ATP10B: variants seen among roughly 807,000 people sequenced by gnomAD.
ATP10B encodes ATPase phospholipid transporting 10B (putative).
ATP10B carries 122 observed loss-of-function variants against 141.2 expected under a neutral mutation model. The observed-to-expected ratio is 0.86, with a 90% CI of 0.75 to 1.00. ATP10B has a LOEUF of 1.00. Among genes scored for constraint, ATP10B ranks in the 50% least tolerant of loss-of-function variants. The pLI, the probability that ATP10B is intolerant of heterozygous loss-of-function variation, is 0.00. For synonymous variants in ATP10B, 685 were observed against 692.0 expected (o/e 0.99, Z 0.16); for missense variants, 1,876 against 1,825.3 (o/e 1.03, Z -0.51).
At chr5:160,615,172 A>G (rs184581479) in intron 17 of ATP10B, among the ~76,000 whole-genome samples, 170 of 152,222 alleles carry the variant, frequency 1.1e-3, no homozygotes, top group African/African-American at 3.9e-3. Context: ...GCTGATTGAC[A>G]TGACCCTTCA....
In ATP10B at chr5:160,783,904, T is replaced by C. The variant is rs1174928042; in HGVS notation, c.-331+1655A>G. On this transcript the variant is annotated intron_variant, in intron 2 of 25. Coordinates refer to ENST00000327245, the MANE Select transcript of ATP10B (RefSeq NM_025153.3). ...CCTCCAAGCCAACATTTATTGTTTT[T>C]TCATTTTTTGATTATGGCCATTCTT... Among the ~76,000 whole-genome samples, 3 of 152,126 alleles carry C rather than the reference T, an allele frequency of 2.0e-5. No individual in the cohort carries two copies. In the East Asian group the frequency reaches 5.8e-4, roughly 29 times the overall value.
intron 8 of ATP10B, among the ~76,000 whole-genome samples, chr5:160,647,976 A>C (rs541771252): frequency 6.6e-6 from 1 of 152,134 alleles, no homozygotes; most frequent in Non-Finnish European, 1.5e-5. Context: ...TGCAGGCCCT[A>C]TTGGTGGAGA....
chr5:160,600,022 A>G (rs1756996798), intron 21 of ATP10B, among the ~76,000 whole-genome samples: 1 of 152,210 alleles, frequency 6.6e-6, no homozygotes, highest in African/African-American at 2.4e-5. Context: ...CACTAGTAGT[A>G]ACATCATTTG....
intron 13 of ATP10B, among the ~76,000 whole-genome samples, chr5:160,628,824 T>C (rs1240930640): frequency 2.0e-5 from 3 of 152,138 alleles, no homozygotes; most frequent in Non-Finnish European, 4.4e-5. Context: ...CTATTAAACA[T>C]TGGCTTGGGA....
intron 2 of ATP10B, among the ~76,000 whole-genome samples, chr5:160,761,603 C>T (rs1029398240): frequency 6.6e-6 from 1 of 152,132 alleles, no homozygotes; most frequent in African/African-American, 2.4e-5. Flanking sequence ...AGTTTTAGAC[C>T]TTCCCACTGA....
the ATP10B span, among the ~76,000 whole-genome samples, chr5:160,875,386 G>C: frequency 9.5e-6 from 1 of 105,128 alleles, no homozygotes; most frequent in African/African-American, 2.8e-5. Context: ...TGAAGGAAGC[G>C]CTAAACATGG....
intron 7 of ATP10B, among the ~76,000 whole-genome samples, chr5:160,663,520 T>C (rs1200571332): frequency 6.6e-6 from 1 of 152,162 alleles, no homozygotes; most frequent in Non-Finnish European, 1.5e-5. Context: ...ACCATCATTC[T>C]CAGCAAACTA....
At chr5:160,857,707 T>C in the ATP10B span, among the ~76,000 whole-genome samples, 3 of 151,870 alleles carry the variant, frequency 2.0e-5, no homozygotes, top group African/African-American at 7.2e-5. Context: ...CTGTGTTGTA[T>C]TTTAAATTTT....
chr5:160,870,739 C>CAAAA, the ATP10B span, among the ~76,000 whole-genome samples: 3 of 148,304 alleles, frequency 2.0e-5, no homozygotes, highest in Non-Finnish European at 3.0e-5. Context: ...GGAGAAATGC[C>CAAAA]AAAAAAAAAC....
the ATP10B span, among the ~76,000 whole-genome samples, chr5:160,864,310 G>A: frequency 6.6e-6 from 1 of 151,906 alleles, no homozygotes; most frequent in Non-Finnish European, 1.5e-5. Flanking sequence ...ATTACATAAA[G>A]AGAATCGAAA....
chr5:160,622,453 G>C lies in ATP10B; in HGVS notation c.1753C>G (p.Leu585Val). 6.2e-7 allele frequency: 1 copy of C among 1,614,130 alleles called. No individual in the cohort carries two copies. The highest frequency in any genetic ancestry group is 1.1e-5 in the South Asian group (1 of 91,048). Residue 585 changes from leucine (L) to valine (V), a missense_variant, in exon 14 of 26, where the codon CTT (leucine) becomes GTT (valine). By Grantham distance (32) the Leu-to-Val change is conservative (BLOSUM62 1). Transcript: ENST00000327245. ...STTSSIADFF[L>V]ALTICNSVMV... The stretch of plus-strand genomic sequence containing the variant: ...ACAGAGTTGCAGATGGTTAAGGCAA[G>C]GAAGAAATCAGCAATGGAGGAGGTG...
chr5:160,813,324 C>T (rs543366919), intron 1 of ATP10B, among the ~76,000 whole-genome samples: 6 of 152,226 alleles, frequency 3.9e-5, no homozygotes, highest in African/African-American at 9.6e-5. Context: ...AAACGACACA[C>T]CAGGAGATTA....
At chr5:160,762,577 A>G (rs1737680234) in intron 2 of ATP10B, among the ~76,000 whole-genome samples, 1 of 152,216 alleles carries the variant, frequency 6.6e-6, no homozygotes, top group Non-Finnish European at 1.5e-5. Flanking sequence ...ATCTTGAAAG[A>G]AAACCTCAAA....
At chr5:160,691,433 T>C (rs1486415814) in intron 3 of ATP10B, among the ~76,000 whole-genome samples, 1 of 152,112 alleles carries the variant, frequency 6.6e-6, no homozygotes, top group African/African-American at 2.4e-5. Flanking sequence ...ACAAGCAAAC[T>C]CTCAAGGTTC....
intron 1 of ATP10B, among the ~76,000 whole-genome samples, chr5:160,817,440 A>G (rs1018373464): frequency 3.9e-5 from 6 of 152,230 alleles, no homozygotes; most frequent in Non-Finnish European, 7.3e-5. Flanking sequence ...AATCCAACTT[A>G]CAAGGGACAT....
chr5:160,686,843 C>G (rs904520699), intron 5 of ATP10B: 1 of 605,326 alleles, frequency 1.7e-6, no homozygotes, highest in African/African-American at 2.0e-5. Context: ...ATAGCAGTTG[C>G]TCAGTAAATG....
chr5:160,820,411 C>A lies in ATP10B; in HGVS notation c.-576+31530G>T, dbSNP rs554761449. On this transcript the variant is annotated intron_variant, in intron 1 of 25. Coordinates refer to ENST00000327245, the MANE Select transcript of ATP10B (RefSeq NM_025153.3). ...TAATGCAAAGTTACCCAGAAAAAAA[C>A]AAAAAAAAGCCTGGGACCTCATGGC... Among the ~76,000 whole-genome samples, 1,066 of 151,092 alleles carry A rather than the reference C, an allele frequency of 7.1e-3. 18 individuals are homozygous for A. The highest frequency in any genetic ancestry group is 0.024 in the African/African-American group (1,005 of 41,302).
At chr5:160,582,539 G>T (rs928016268) in intron 24 of ATP10B, among the ~76,000 whole-genome samples, 5 of 152,120 alleles carry the variant, frequency 3.3e-5, no homozygotes, top group African/African-American at 1.2e-4. Context: ...TCTCTTTGTG[G>T]GGAACCCGAC....
At chr5:160,749,631 G>A (rs1210697315) in intron 2 of ATP10B, among the ~76,000 whole-genome samples, 1 of 152,152 alleles carries the variant, frequency 6.6e-6, no homozygotes, top group Non-Finnish European at 1.5e-5. Context: ...TTGTGGGGCT[G>A]GGTCTCATAC....
Sources: allele counts gnomAD v4.1 joint callset (sites outside exome capture counted in the v4.1 genomes callset), GRCh38; gene constraint gnomAD v4.1.1; transcripts MANE v1.5; gene names NCBI Gene and HGNC (gene_info 2026-07-23, HGNC 2026-07-21).